The following SLAIN2 variants were observed in gnomAD, a reference collection of about 807,000 sequenced individuals.
SLAIN2 encodes the protein SLAIN family member 2.
In SLAIN2, 31 loss-of-function variants were observed where a neutral mutation model predicts 56.6. The observed-to-expected ratio is 0.55, with a 90% CI of 0.41 to 0.74. The LOEUF (loss-of-function observed/expected upper bound fraction) is 0.74, where lower values mean the gene tolerates loss of function less well. Among genes scored for constraint, SLAIN2 ranks in the 30% least tolerant of loss-of-function variants. SLAIN2 has a pLI of 0.00. For synonymous variants in SLAIN2, 317 were observed against 284.9 expected (o/e 1.11, Z -1.13); for missense variants, 777 against 754.2 (o/e 1.03, Z -0.35).
At chr4:48,345,871 A>T (rs1485064745) in intron 1 of SLAIN2, among the ~76,000 whole-genome samples, 1 of 152,208 alleles carries the variant, frequency 6.6e-6, no homozygotes, top group African/African-American at 2.4e-5. Flanking sequence ...TGAAGTGGGC[A>T]TGTCAGCTAG....
At chr4:48,421,736 G>T (rs1717161488) in intron 7 of SLAIN2, among the ~76,000 whole-genome samples, 1 of 151,388 alleles carries the variant, frequency 6.6e-6, no homozygotes, top group African/African-American at 2.4e-5. Context: ...GGTTATCTGT[G>T]TGCTTGGAAA....
chr4:48,378,545 G>T (rs1715887834), intron 3 of SLAIN2, among the ~76,000 whole-genome samples: 1 of 152,144 alleles, frequency 6.6e-6, no homozygotes, highest in Admixed American at 6.6e-5. Flanking sequence ...TCTGCTCTGA[G>T]ACTGTTATTG....
At chr4:48,412,217 C>T (rs1423801820) in intron 6 of SLAIN2, among the ~76,000 whole-genome samples, 4 of 152,070 alleles carry the variant, frequency 2.6e-5, no homozygotes, top group Non-Finnish European at 5.9e-5. Flanking sequence ...CTAAAACTAA[C>T]GTGTCTCTCA....
chr4:48,349,230 G>A (rs1169584396), intron 1 of SLAIN2, among the ~76,000 whole-genome samples: 1 of 152,208 alleles, frequency 6.6e-6, no homozygotes. Flanking sequence ...TAGAATGTGA[G>A]CAGTTTAAGC....
rs3081372 is a variant in SLAIN2, at chr4:48,400,388, CTTTTTTTTTTT to C, written c.1360+16620_1360+16630del. On this transcript the variant is annotated intron_variant, in intron 6 of 7. Transcript: ENST00000264313. Reference sequence around the variant, plus strand: ...TTCTGATTGTGTCTGTTTGATTCTTCTTTTTTTTTTTTTTTTTTTTTTTTTTGAGACAGAGT... The same window carrying C: ...TTCTGATTGTGTCTGTTTGATTCTTCTTTTTTTTTTTTTTTGAGACAGAGT... Among the ~76,000 whole-genome samples the C allele has an allele frequency of 4.9e-3, 475 of 96,480 alleles. 5 individuals are homozygous for C. The highest frequency in any genetic ancestry group is 0.015 in the African/African-American group (350 of 23,568). 63.3% of individuals were successfully genotyped at this position (96,480 alleles called of 152,430 possible). A position where few individuals can be genotyped will look rare whatever the true frequency, so the allele number is the denominator to read the frequency against.
chr4:48,343,617 C>T (rs1714785246), intron 1 of SLAIN2, among the ~76,000 whole-genome samples: 1 of 152,042 alleles, frequency 6.6e-6, no homozygotes, highest in Non-Finnish European at 1.5e-5. Context: ...AAATAGTAGT[C>T]CAAAGTAGTT....
chr4:48,392,688 A>G (rs995429999), intron 6 of SLAIN2, among the ~76,000 whole-genome samples: 1 of 152,036 alleles, frequency 6.6e-6, no homozygotes, highest in Non-Finnish European at 1.5e-5. Flanking sequence ...TTTCTATGCA[A>G]ATGTCATCTT....
At chr4:48,368,133 C>T (rs545986745) in intron 1 of SLAIN2, among the ~76,000 whole-genome samples, 2 of 135,872 alleles carry the variant, frequency 1.5e-5, no homozygotes, top group South Asian at 2.4e-4. Flanking sequence ...ACTGCAACCT[C>T]CACCTCCCAG....
At chr4:48,349,558 T>G (rs1193544371) in intron 1 of SLAIN2, among the ~76,000 whole-genome samples, 1 of 152,214 alleles carries the variant, frequency 6.6e-6, no homozygotes, top group Admixed American at 6.5e-5. Context: ...CATCGCTCTG[T>G]TTAGTAGGAT....
chr4:48,355,155 C>G (rs1715125684), intron 1 of SLAIN2, among the ~76,000 whole-genome samples: 1 of 152,210 alleles, frequency 6.6e-6, no homozygotes, highest in African/African-American at 2.4e-5. Context: ...GCTGGGATTA[C>G]AGGCGTGAGC....
At chr4:48,363,424 C>T (rs1401068667) in intron 1 of SLAIN2, among the ~76,000 whole-genome samples, 1 of 64,284 alleles carries the variant, frequency 1.6e-5, no homozygotes, top group East Asian at 4.3e-4. Context: ...CCGGACGGGG[C>T]GGCTGGCCGG....
At position 48,341,570 on chromosome 4, in the gene SLAIN2, A is replaced by G; in HGVS notation, c.-170A>G. 3.8e-6 allele frequency: 4 copies of G among 1,057,222 alleles called. No homozygotes were observed. The South Asian group carries it at 8.2e-5, about 22-fold the overall frequency. 65.5% of individuals were successfully genotyped at this position (1,057,222 alleles called of 1,614,324 possible). On this transcript the variant is annotated 5_prime_UTR_variant, in exon 1 of 8. Transcript: ENST00000264313. The stretch of plus-strand genomic sequence containing the variant: ...CAGATGAGGCAGTTCGGCTGGGGCC[A>G]GCGGCGCTTTGGAACCCGAGGTGGG...
intron 1 of SLAIN2, among the ~76,000 whole-genome samples, chr4:48,366,942 T>C (rs10004425): frequency 0.3 from 46,089 of 152,174 alleles, 7,312 homozygotes; most frequent in South Asian, 0.49. Flanking sequence ...TTCTATGATT[T>C]AAGAAATTCT....
chr4:48,346,740 G>A (rs1300666895), intron 1 of SLAIN2, among the ~76,000 whole-genome samples: 2 of 151,776 alleles, frequency 1.3e-5, no homozygotes, highest in Non-Finnish European at 2.9e-5. Context: ...AGACTCTTCT[G>A]TACCAAGGAG....
At position 48,341,706 on chromosome 4, in the gene SLAIN2, G is replaced by GGGCGGC; in HGVS notation, c.-31_-26dup. The GGGCGGC allele has an allele frequency of 2.6e-6, 4 of 1,521,834 alleles. No homozygotes were observed. The highest frequency in any genetic ancestry group is 2.1e-4 in the Middle Eastern group (1 of 4,854). The allele number at this position is 1,521,834 out of a possible 1,614,324, so 94.3% of individuals were successfully genotyped here. A position where few individuals can be genotyped will look rare whatever the true frequency, so the allele number is the denominator to read the frequency against. The stretch of plus-strand genomic sequence containing the variant: ...TTTCCCTGTCGCTGCGAGAGCGAGC[G>GGGCGGC]GGCGGCGGAGGCGGCGGCGGCGGCG... On this transcript the variant is annotated 5_prime_UTR_variant, in exon 1 of 8. Transcript: ENST00000264313.
intron 1 of SLAIN2, among the ~76,000 whole-genome samples, chr4:48,367,866 T>A (rs1194633459): frequency 2.0e-5 from 3 of 152,104 alleles, no homozygotes; most frequent in Non-Finnish European, 4.4e-5. Context: ...ACCATTACCA[T>A]AATTATCACT....
chr4:48,341,629 T>C lies in SLAIN2; in HGVS notation c.-111T>C. On this transcript the variant is annotated 5_prime_UTR_variant, in exon 1 of 8. It removes an upstream start codon present in the reference 5' UTR. Coordinates refer to ENST00000264313, the MANE Select transcript of SLAIN2 (RefSeq NM_020846.2). ...GGCGGTGGGGCCTGGTCCTGCTATATGCCGGCGCCTCGGCTAGAGTGAGCG... is the reference window on the plus strand; with the variant it reads ...GGCGGTGGGGCCTGGTCCTGCTATACGCCGGCGCCTCGGCTAGAGTGAGCG... 7.0e-7 allele frequency: 1 copy of C among 1,437,480 alleles called. No homozygotes were observed. Among genetic ancestry groups the C allele is most frequent in the Non-Finnish European group, 9.1e-7 (1 of 1,094,080 alleles). The allele number at this position is 1,437,480 out of a possible 1,614,324, so 89.0% of individuals were successfully genotyped here. A position where few individuals can be genotyped will look rare whatever the true frequency, so the allele number is the denominator to read the frequency against.
intron 6 of SLAIN2, among the ~76,000 whole-genome samples, chr4:48,410,690 C>T (rs1161779351): frequency 6.6e-6 from 1 of 152,192 alleles, no homozygotes; most frequent in Non-Finnish European, 1.5e-5. Context: ...CAGGACCATG[C>T]TCTTCTATTC....
At chr4:48,360,200 A>T (rs1715284982) in intron 1 of SLAIN2, among the ~76,000 whole-genome samples, 1 of 151,972 alleles carries the variant, frequency 6.6e-6, no homozygotes, top group Non-Finnish European at 1.5e-5. Context: ...TGATTGTTCT[A>T]AGGGAAAAAG....
Sources: gnomAD v4.1 joint callset for allele counts (sites outside exome capture counted in the v4.1 genomes callset) on GRCh38, gnomAD v4.1.1 for gene constraint, MANE v1.5 for transcripts, NCBI Gene and HGNC (gene_info 2026-07-23, HGNC 2026-07-21) for gene names.